The following LTBP1 variants were observed in gnomAD, a reference collection of about 807,000 sequenced individuals.
LTBP1 encodes the protein latent-transforming growth factor beta-binding protein 1.
LTBP1 carries 129 observed loss-of-function variants against 207.6 expected under a neutral mutation model. The observed-to-expected ratio is 0.62, with a 90% CI of 0.54 to 0.72. The LOEUF (loss-of-function observed/expected upper bound fraction) is 0.72, where lower values mean the gene tolerates loss of function less well. Among genes scored for constraint, LTBP1 ranks in the 30% least tolerant of loss-of-function variants. The pLI is 0.00. For missense variants in LTBP1, 2,281 were observed against 2,217.2 expected (o/e 1.03, Z -0.58); for synonymous variants, 963 against 833.7 (o/e 1.16, Z -2.67).
chr2:33,288,395 T>G (rs973402983), intron 19 of LTBP1, among the ~76,000 whole-genome samples: 1 of 152,150 alleles, frequency 6.6e-6, no homozygotes, highest in East Asian at 1.9e-4. Flanking sequence ...AGGGAAATTT[T>G]AAATTTTAAA....
chr2:32,958,275 A>G (rs1678423369), intron 2 of LTBP1, among the ~76,000 whole-genome samples: 1 of 152,192 alleles, frequency 6.6e-6, no homozygotes, highest in Admixed American at 6.5e-5. Context: ...TAGGTAATAC[A>G]TTAAAAACGC....
chr2:33,134,606 C>G lies in LTBP1; in HGVS notation c.1034-187C>G. 1 of 1,536,468 alleles carries G rather than the reference C, an allele frequency of 6.5e-7. No individual in the cohort carries two copies. On this transcript the variant is annotated intron_variant, in intron 4 of 33. Transcript: ENST00000404816. The surrounding 1 kb of genome is among the most constrained non-coding windows in gnomAD (Gnocchi z 4.4). ...TCCTACTCCTGTTTCAGAGACACCA[C>G]TGAATACAGAGCAGCGAGCACTGAA...
At chr2:33,347,310 TAGAG>T (rs978124129) in intron 25 of LTBP1, 53 bp from the exon 26 acceptor site, 10 of 1,606,484 alleles carry the variant, frequency 6.2e-6, no homozygotes, top group African/African-American at 5.4e-5. Context: ...GCTGGTAAAA[TAGAG>T]AGCTGTCGTG....
At chr2:33,313,932 C>T (rs1010417694) in intron 23 of LTBP1, among the ~76,000 whole-genome samples, 83 of 152,188 alleles carry the variant, frequency 5.5e-4, no homozygotes, top group Non-Finnish European at 1.8e-4. Context: ...GAAACTTTCT[C>T]TAGGCGCTTT....
intron 31 of LTBP1, among the ~76,000 whole-genome samples, chr2:33,382,397 G>C (rs1333181220): frequency 6.6e-6 from 1 of 151,880 alleles, no homozygotes; most frequent in Non-Finnish European, 1.5e-5. Context: ...GCCCAGTCTA[G>C]CTTCCCTAAT....
chr2:33,333,941 G>C (rs536197499), intron 24 of LTBP1, among the ~76,000 whole-genome samples: 2 of 152,118 alleles, frequency 1.3e-5, no homozygotes, highest in Non-Finnish European at 2.9e-5. Flanking sequence ...AGACCCTGTA[G>C]GAGGAGTCCA....
intron 3 of LTBP1, among the ~76,000 whole-genome samples, chr2:33,027,563 G>T (rs751484772): frequency 6.6e-6 from 1 of 152,150 alleles, no homozygotes; most frequent in Non-Finnish European, 1.5e-5. Context: ...AAGGCCGGGC[G>T]CAGTAGCTCA....
intron 3 of LTBP1, among the ~76,000 whole-genome samples, chr2:33,063,643 A>G (rs1292663991): frequency 6.6e-6 from 1 of 152,088 alleles, no homozygotes; most frequent in Non-Finnish European, 1.5e-5. Context: ...TGGGATCCTC[A>G]GTTGTTTTTG....
In LTBP1 at chr2:33,397,202, G is replaced by T. The variant is rs528780557; in HGVS notation, c.4904G>T (p.Arg1635Leu). ...CGILNGCENGRCVRVQEGYTC... is the reference protein window; with the variant it reads ...CGILNGCENGLCVRVQEGYTC... ...ATCCTCAATGGATGTGAAAATGGTCGCTGTGTGAGGGTCCAGGAAGGTTAC... is the reference window on the plus strand; with the variant it reads ...ATCCTCAATGGATGTGAAAATGGTCTCTGTGTGAGGGTCCAGGAAGGTTAC... The change falls in exon 33 of 34, where the codon CGC becomes CTC. Residue 1635 changes from arginine (R) to leucine (L), a missense_variant. By Grantham distance (102) the Arg-to-Leu change is moderately radical. Coordinates refer to ENST00000404816, the MANE Select transcript of LTBP1 (RefSeq NM_206943.4). 6.2e-7 allele frequency: 1 copy of T among 1,614,134 alleles called. No individual in the cohort carries two copies. Among genetic ancestry groups the T allele is most frequent in the Admixed American group, 1.7e-5 (1 of 60,018 alleles).
At chr2:33,248,672 C>T (rs1054152189) in intron 10 of LTBP1, among the ~76,000 whole-genome samples, 7 of 151,586 alleles carry the variant, frequency 4.6e-5, no homozygotes, top group African/African-American at 9.7e-5. Context: ...CTGCAACTTC[C>T]GCCTCCTGGG....
chr2:33,047,306 A>G (rs989429609), intron 3 of LTBP1, among the ~76,000 whole-genome samples: 7 of 152,206 alleles, frequency 4.6e-5, no homozygotes, highest in Non-Finnish European at 8.8e-5. Flanking sequence ...AGATTCTGGT[A>G]CGTTGTGTCT....
intron 3 of LTBP1, among the ~76,000 whole-genome samples, chr2:33,076,649 A>G (rs772845834): frequency 3.3e-5 from 5 of 151,172 alleles, no homozygotes; most frequent in Non-Finnish European, 7.4e-5. Flanking sequence ...TGATTCTACT[A>G]CCTCAGCCTC....
rs1368127598 is a variant in LTBP1 at position 33,134,455 on chromosome 2, G to A, written c.1034-338G>A. ...GTCAGGGTTGGCTCTTTAATCTGTC[G>A]TGCCCTCGGTATTGCTCTTTGTCTG... On this transcript the variant is annotated intron_variant, in intron 4 of 33. Transcript: ENST00000404816. This position sits in a 1 kb window ranked among gnomAD's most constrained non-coding sequence, Gnocchi z 4.4. The A allele has an allele frequency of 8.8e-6, 8 of 909,664 alleles. No individual in the cohort carries two copies. The highest frequency in any genetic ancestry group is 1.3e-5 in the Non-Finnish European group (8 of 608,082). 56.3% of individuals were successfully genotyped at this position (909,664 alleles called of 1,614,324 possible).
intron 31 of LTBP1, among the ~76,000 whole-genome samples, chr2:33,378,420 T>TG (rs2095171516): frequency 6.6e-6 from 1 of 151,986 alleles, no homozygotes; most frequent in Non-Finnish European, 1.5e-5. Flanking sequence ...TTAGTAGAAA[T>TG]GGGGTTTCAC....
chr2:33,032,331 T>A (rs538592192), intron 3 of LTBP1, among the ~76,000 whole-genome samples: 4 of 152,342 alleles, frequency 2.6e-5, no homozygotes, highest in African/African-American at 9.6e-5. Flanking sequence ...AAGGTCTTTT[T>A]TCCTGTTTCA....
At chr2:33,395,187 G>A (rs78675220) in intron 32 of LTBP1, among the ~76,000 whole-genome samples, 8,765 of 152,176 alleles carry the variant, frequency 0.058, 278 homozygotes, top group African/African-American at 0.088. Flanking sequence ...ACATAGCATC[G>A]TTTCTCTATT....
In LTBP1 at chr2:33,004,711, G is replaced by T. The variant is rs539655526; in HGVS notation, c.566-16198G>T. Among the ~76,000 whole-genome samples the T allele has an allele frequency of 4.1e-4, 60 of 146,800 alleles. 1 individual carries two copies. The highest frequency in any genetic ancestry group is 6.2e-4 in the Non-Finnish European group (42 of 67,298). On this transcript the variant is annotated intron_variant, in intron 2 of 33. Transcript: ENST00000404816. ...AATCACTTGAATCTGGGAGGTGGAG[G>T]TTGCAGTGAGCCAAGATTGTGCCAC...
rs189009489 is a variant in LTBP1 at position 33,265,420 on chromosome 2, T to C, written c.2617+2028T>C. ...ATGAGTGGTTACCTATCACAGACAA[T>C]GTATAATACAGAATAAATAGAAATA... On this transcript the variant is annotated intron_variant, in intron 15 of 33. Transcript: ENST00000404816. 2.4e-3 allele frequency among the ~76,000 whole-genome samples: 358 copies of C among 152,296 alleles called. 1 individual carries two copies. The highest frequency in any genetic ancestry group is 5.6e-3 in the Admixed American group (86 of 15,300).
chr2:33,042,817 T>A (rs967031617), intron 3 of LTBP1, among the ~76,000 whole-genome samples: 1 of 152,196 alleles, frequency 6.6e-6, no homozygotes, highest in Non-Finnish European at 1.5e-5. Flanking sequence ...GCTAATAAAT[T>A]GGTATTTTTT....
Sources: gnomAD v4.1 joint callset for allele counts (sites outside exome capture counted in the v4.1 genomes callset) on GRCh38, gnomAD v4.1.1 for gene constraint, Gnocchi (gnomAD v3.1) non-coding constraint, MANE v1.5 for transcripts, NCBI Gene and HGNC (gene_info 2026-07-23, HGNC 2026-07-21) for gene names.